The following SUCO variants were observed in gnomAD, a reference collection of about 807,000 sequenced individuals.
SUCO encodes SUN domain-containing ossification factor.
SUCO carries 57 observed loss-of-function variants against 148.1 expected under a neutral mutation model. That is an observed-to-expected ratio of 0.38 (90% CI 0.31 to 0.48). SUCO has a LOEUF of 0.48. SUCO is among the 20% of genes least tolerant of loss of function. SUCO has a pLI of 0.96. For missense variants in SUCO, 1,331 were observed against 1,468.2 expected (o/e 0.91, Z 1.53); for synonymous variants, 470 against 502.7 (o/e 0.93, Z 0.87).
chr1:172,533,238 C>G lies in SUCO; in HGVS notation c.-198C>G. 1.3e-6 allele frequency: 2 copies of G among 1,546,610 alleles called. No homozygotes were observed. The highest frequency in any genetic ancestry group is 1.4e-5 in the African/African-American group (1 of 73,010). On this transcript the variant is annotated 5_prime_UTR_variant, in exon 1 of 24. Coordinates refer to ENST00000263688, the MANE Select transcript of SUCO (RefSeq NM_014283.5). The stretch of plus-strand genomic sequence containing the variant: ...GTCCCCGGAGTCCTGTGAAGCGCCC[C>G]TGTCCGCGCCTCTGTGGGGCCCTCA...
intron 4 of SUCO, 178 bp from the exon 5 acceptor site, chr1:172,557,102 A>T (rs1382901790): frequency 1.0e-6 from 1 of 979,932 alleles, no homozygotes; most frequent in African/African-American, 1.8e-5. Flanking sequence ...CATATTTGGT[A>T]AGTAGTTATT....
rs557908901 is a variant in SUCO at position 172,600,903 on chromosome 1, A to G, written c.3018+735A>G. On this transcript the variant is annotated intron_variant, in intron 20 of 23. Coordinates refer to ENST00000263688, the MANE Select transcript of SUCO (RefSeq NM_014283.5). ...GGGCAAAGGACTGGAGAGTAGAAAC[A>G]GTGTAATGTGTTTGACAGCAGAAAG... is the stretch of plus-strand genomic sequence containing the variant. Among the ~76,000 whole-genome samples the G allele has an allele frequency of 2.6e-4, 40 of 152,310 alleles. 1 individual carries two copies. The highest frequency in any genetic ancestry group is 1.1e-3 in the Admixed American group (17 of 15,308).
chr1:172,595,254 T>C (rs1035271568), intron 19 of SUCO, among the ~76,000 whole-genome samples: 1 of 152,236 alleles, frequency 6.6e-6, no homozygotes, highest in African/African-American at 2.4e-5. Flanking sequence ...CTGTGTCTTT[T>C]AATTGGAGCT....
At chr1:172,577,637 G>T in intron 12 of SUCO, 78 bp downstream of exon 12, 1 of 1,582,328 alleles carries the variant, frequency 6.3e-7, no homozygotes, top group South Asian at 1.1e-5. Flanking sequence ...TACAAGTATT[G>T]ATTTTGGGGA....
In SUCO at chr1:172,600,174, T is replaced by C; in HGVS notation, c.3018+6T>C. ...TAGCAGAATTGAAACGGGAGGTAAT[T>C]GTTATTGCTGGTATTGCGAGACCCA... On this transcript the variant is annotated splice_donor_region_variant and intron_variant, in intron 20 of 23. Coordinates refer to ENST00000263688, the MANE Select transcript of SUCO (RefSeq NM_014283.5). 6.3e-7 allele frequency: 1 copy of C among 1,594,832 alleles called. No homozygotes were observed. The highest frequency in any genetic ancestry group is 1.1e-5 in the South Asian group (1 of 89,126).
chr1:172,533,479 T>G lies in SUCO; in HGVS notation c.44T>G (p.Phe15Cys). The change falls in exon 1 of 24, where the codon TTT (phenylalanine) becomes TGT (cysteine). Residue 15 changes from phenylalanine to cysteine, a missense_variant. Coordinates refer to ENST00000263688, the MANE Select transcript of SUCO (RefSeq NM_014283.5). ...RRALALVSCLFLCSLVWLPSW... is the reference protein window; with the variant it reads ...RRALALVSCLCLCSLVWLPSW... ...GCCTTGGCCCTGGTCTCCTGCCTCT[T>G]TCTGTGCTCTCTGGTCTGGTGAGTA... The G allele has an allele frequency of 6.4e-7, 1 of 1,564,764 alleles. No individual in the cohort carries two copies. The highest frequency in any genetic ancestry group is 8.7e-7 in the Non-Finnish European group (1 of 1,153,828).
At chr1:172,599,917 G>A (rs533571226) in intron 19 of SUCO, 147 bp from the exon 20 acceptor site, 110 of 577,190 alleles carry the variant, frequency 1.9e-4, no homozygotes, top group Non-Finnish European at 2.9e-4. Context: ...TAAAATTTCT[G>A]TTCAAAGTTT....
In SUCO at chr1:172,609,823, G is replaced by A. The variant is rs775449814; in HGVS notation, c.3329G>A (p.Arg1110His). Residue 1110 changes from arginine to histidine, a missense_variant, in exon 24 of 24, where the codon CGC (arginine) becomes CAC (histidine). By Grantham distance (29) the Arg-to-His change is conservative. This residue lies in a region of SUCO where 334 missense variants were observed against 352.3 expected (regional missense o/e 0.95). Coordinates refer to ENST00000263688, the MANE Select transcript of SUCO (RefSeq NM_014283.5). ...CTTTTACTTGTGTTGTAGAAGAAGC[G>A]CTGCAAGTACAAAATTGAAAAAATT... ...LKFSPEKKKK[R>H]CKYKIEKIET... 1.3e-5 allele frequency: 21 copies of A among 1,593,538 alleles called. No homozygotes were observed. The highest frequency in any genetic ancestry group is 4.5e-5 in the East Asian group (2 of 44,770).
Position 172,588,951 on chromosome 1 carries a change from G to T in SUCO, c.1850G>T (p.Cys617Phe). ...PWFESETQIF[C>F]SELTTICCIS... is the part of the protein sequence containing the mutation. Reference sequence around the variant, plus strand: ...TTTGAGTCAGAGACACAAATATTTTGCAGTGAACTGACCACAATTTGTTGT... The same window carrying T: ...TTTGAGTCAGAGACACAAATATTTTTCAGTGAACTGACCACAATTTGTTGT... The change falls in exon 18 of 24, where the codon TGC becomes TTC. Residue 617 changes from cysteine (C) to phenylalanine (F), a missense_variant. This residue lies in a region of SUCO where 992 missense variants were observed against 1,093.5 expected (regional missense o/e 0.91). Transcript: ENST00000263688. 1 of 1,611,160 alleles carries T rather than the reference G, an allele frequency of 6.2e-7. No homozygotes were observed. Among genetic ancestry groups the T allele is most frequent in the Non-Finnish European group, 8.5e-7 (1 of 1,178,692 alleles).
intron 6 of SUCO, among the ~76,000 whole-genome samples, chr1:172,561,781 G>A (rs1374159652): frequency 6.6e-6 from 1 of 152,140 alleles, no homozygotes; most frequent in Non-Finnish European, 1.5e-5. Context: ...AAGTCCCCTG[G>A]CCACAGGGTT....
At chr1:172,570,625 C>T (rs1217766782) in intron 8 of SUCO, 38 bp from the exon 9 acceptor site, 5 of 1,313,982 alleles carry the variant, frequency 3.8e-6, no homozygotes, top group South Asian at 3.7e-5. Context: ...CTTCATTATT[C>T]CTTAAGTAAT....
intron 3 of SUCO, among the ~76,000 whole-genome samples, chr1:172,554,363 C>T (rs1373778103): frequency 6.6e-6 from 1 of 152,130 alleles, no homozygotes; most frequent in Non-Finnish European, 1.5e-5. Flanking sequence ...TCTTGTATAC[C>T]TATGTTGTTC....
At position 172,611,596 on chromosome 1, in the gene SUCO, A is replaced by T. The variant is rs190488029; in HGVS notation, c.*1337A>T. On this transcript the variant is annotated 3_prime_UTR_variant, in exon 24 of 24. Coordinates refer to ENST00000263688, the MANE Select transcript of SUCO (RefSeq NM_014283.5). The stretch of plus-strand genomic sequence containing the variant: ...TTGTTTAAGTTGCTGCTTTAGGTTA[A>T]CAGCGTGTTTTAGAAGATTTAAATT... The T allele has an allele frequency of 6.5e-6, 1 of 152,728 alleles. No homozygotes were observed. The highest frequency in any genetic ancestry group is 6.5e-5 in the Admixed American group (1 of 15,288). 9.5% of individuals were successfully genotyped at this position (152,728 alleles called of 1,614,324 possible).
chr1:172,532,612 G>T, upstream of SUCO: 1 of 1,613,982 alleles, frequency 6.2e-7, no homozygotes, highest in South Asian at 1.1e-5. Flanking sequence ...CACGAACTGT[G>T]CTCAAAAGAG....
intron 1 of SUCO, among the ~76,000 whole-genome samples, chr1:172,540,060 A>G (rs1652334745): frequency 6.6e-6 from 1 of 152,230 alleles, no homozygotes; most frequent in African/African-American, 2.4e-5. Flanking sequence ...TATGCATTAA[A>G]TTATTTTATT....
chr1:172,559,488 A>G (rs1180420875), intron 6 of SUCO, among the ~76,000 whole-genome samples: 2 of 152,208 alleles, frequency 1.3e-5, no homozygotes, highest in Non-Finnish European at 2.9e-5. Context: ...AGCCCAGGAA[A>G]GAATTCAAGG....
chr1:172,596,607 G>T (rs752321014), intron 19 of SUCO, among the ~76,000 whole-genome samples: 1 of 152,216 alleles, frequency 6.6e-6, no homozygotes, highest in African/African-American at 2.4e-5. Flanking sequence ...AGCCAATATT[G>T]CAGAATGGCA....
At chr1:172,544,202 TTA>T in intron 1 of SUCO, 1 of 886,844 alleles carries the variant, frequency 1.1e-6, no homozygotes, top group Non-Finnish European at 1.4e-6. Flanking sequence ...AACTTTGAAT[TTA>T]TGTTTAAGAA....
chr1:172,602,360 A>C, intron 21 of SUCO, 142 bp downstream of exon 21: 1 of 1,414,050 alleles, frequency 7.1e-7, no homozygotes, highest in Non-Finnish European at 9.2e-7. Context: ...TAAAAACATC[A>C]TTCGATAGTA....
Sources: gnomAD v4.1 joint callset for allele counts (sites outside exome capture counted in the v4.1 genomes callset) on GRCh38, gnomAD v4.1.1 for gene constraint, gnomAD v4.1.1 regional missense constraint, MANE v1.5 for transcripts, NCBI Gene and HGNC (gene_info 2026-07-23, HGNC 2026-07-21) for gene names.